KYAT1: variants seen among roughly 807,000 people sequenced by gnomAD.
KYAT1 encodes kynurenine aminotransferase 1.
Under a neutral mutation model 52.4 loss-of-function variants are expected in KYAT1, and 47 were observed. The ratio of observed to expected loss-of-function variants is 0.90; its 90% CI spans 0.71 to 1.14. KYAT1 has a LOEUF of 1.14. Ranked by LOEUF, KYAT1 falls within the 50% of genes most tolerant of loss-of-function variation. KYAT1 has a pLI of 0.00. For synonymous variants in KYAT1, 212 were observed against 209.6 expected, an observed-to-expected ratio of 1.01 and a Z score of -0.10; for missense variants, 480 against 557.9, an observed-to-expected ratio of 0.86 and a Z score of 1.41.
chr9:128,845,330 C>T, intron 2 of KYAT1, 23 bp downstream of exon 2: 1 of 1,611,654 alleles, frequency 6.2e-7, no homozygotes, highest in African/African-American at 1.3e-5. Flanking sequence ...CACCCACACA[C>T]CTCCCCAGCC....
intron 1 of KYAT1, among the ~76,000 whole-genome samples, chr9:128,865,332 T>C (rs1481976869): frequency 6.4e-3 from 15 of 2,340 alleles, no homozygotes; most frequent in African/African-American, 0.012. Context: ...TATATATATA[T>C]ATATATATAT....
chr9:128,833,939 T>C (rs1207397222), intron 11 of KYAT1, 113 bp from the exon 12 acceptor site: 2 of 761,370 alleles, frequency 2.6e-6, no homozygotes, highest in Non-Finnish European at 4.4e-6. Flanking sequence ...TTAGCTCCAA[T>C]CCAGCACCTA....
chr9:128,856,304 T>C (rs1277291531), intron 1 of KYAT1, among the ~76,000 whole-genome samples: 1 of 152,202 alleles, frequency 6.6e-6, no homozygotes. Flanking sequence ...CCACTGGAAG[T>C]TCCACTATTG....
chr9:128,840,233 T>C lies in KYAT1; in HGVS notation c.202-1866A>G, dbSNP rs141458408. Among the ~76,000 whole-genome samples, 6 of 152,032 alleles carry C rather than the reference T, an allele frequency of 3.9e-5. No homozygotes were observed. In the East Asian group the frequency reaches 1.2e-3, roughly 29 times the overall value. On this transcript the variant is annotated intron_variant, in intron 3 of 12. Transcript: ENST00000302586. ...GGGAGGATTGCTTGAGCCCAGGAGT[T>C]TGAGACCAGCCTGGGTAACATAAGG...
At chr9:128,868,703 AT>A (rs1202846765) in intron 1 of KYAT1, among the ~76,000 whole-genome samples, 2,475 of 131,970 alleles carry the variant, frequency 0.019, 43 homozygotes, top group African/African-American at 0.054. Flanking sequence ...TGCCTGGCTA[AT>A]TTTTTTTTTT....
At chr9:128,849,301 C>A (rs1252835621) in intron 1 of KYAT1, among the ~76,000 whole-genome samples, 1 of 150,436 alleles carries the variant, frequency 6.6e-6, no homozygotes, top group Non-Finnish European at 1.5e-5. Flanking sequence ...GTCCCAGCTA[C>A]CCAGGAGGCT....
rs79953067 is a variant in KYAT1, at chr9:128,836,720, C to T, written c.688+82G>A. Reference sequence around the variant, plus strand: ...GCTCCATAACCCTGGGTTCTAACTACCAGGCCTGCGCTGACTCTCAGGTGG... The same window carrying T: ...GCTCCATAACCCTGGGTTCTAACTATCAGGCCTGCGCTGACTCTCAGGTGG... On this transcript the variant is annotated intron_variant, in intron 7 of 12. Transcript: ENST00000302586. 4.8e-3 allele frequency: 7,203 copies of T among 1,511,880 alleles called. 163 individuals are homozygous for T. The East Asian group carries it at 0.058, about 12-fold the overall frequency. The allele number at this position is 1,511,880 out of a possible 1,614,324, so 93.7% of individuals were successfully genotyped here. A position where few individuals can be genotyped will look rare whatever the true frequency, so the allele number is the denominator to read the frequency against.
chr9:128,847,648 CAAT>C lies in KYAT1; in HGVS notation c.-6-2240_-6-2238del, dbSNP rs1475292654. ...TTGGGTCCCCCACACACAGCTCTAA[CAAT>C]AACAACAACAACAACAACAACAACA... On this transcript the variant is annotated intron_variant, in intron 1 of 12. Coordinates refer to ENST00000302586, the MANE Select transcript of KYAT1 (RefSeq NM_004059.5). 8.5e-5 allele frequency: 48 copies of C among 564,582 alleles called. No individual in the cohort carries two copies. The East Asian group carries it at 1.0e-3, about 12-fold the overall frequency. The allele number at this position is 564,582 out of a possible 1,614,324, so 35.0% of individuals were successfully genotyped here.
intron 1 of KYAT1, among the ~76,000 whole-genome samples, chr9:128,873,049 C>G (rs1298568881): frequency 6.7e-6 from 1 of 148,312 alleles, no homozygotes; most frequent in Non-Finnish European, 1.5e-5. Context: ...GCACTCCAGC[C>G]TGGGTGACAG....
At chr9:128,842,838 C>T (rs1487819942) in intron 2 of KYAT1, 37 bp from the exon 3 acceptor site, 8 of 1,596,138 alleles carry the variant, frequency 5.0e-6, no homozygotes, top group Non-Finnish European at 6.8e-6. Context: ...CAGCCCAGCC[C>T]TCCATGGTGA....
chr9:128,838,407 G>C lies in KYAT1; in HGVS notation c.202-40C>G, dbSNP rs1179384993. ...GGGGTTAACTGTCCAGCTCAGCCTG[G>C]GCCCATCCTCCGGCCCAGCTGTATC... On this transcript the variant is annotated intron_variant, in intron 3 of 12. Coordinates refer to ENST00000302586, the MANE Select transcript of KYAT1 (RefSeq NM_004059.5). The C allele has an allele frequency of 3.1e-6, 5 of 1,612,884 alleles. No homozygotes were observed. In the South Asian group the frequency reaches 3.3e-5, roughly 11 times the overall value.
Position 128,835,330 on chromosome 9 carries a change from T to G in KYAT1, c.1115A>C (p.Lys372Thr), listed in dbSNP as rs1830848213. The G allele has an allele frequency of 1.2e-6, 2 of 1,613,516 alleles. No individual in the cohort carries two copies. The highest frequency in any genetic ancestry group is 3.3e-5 in the Admixed American group (2 of 59,968). Residue 372 changes from lysine (K) to threonine (T), a missense_variant, in exon 11 of 13, where the codon AAG becomes ACG. Lys to Thr is a moderately conservative substitution (Grantham distance 78). Transcript: ENST00000302586. ...GGCAGAGGCCCAGCCCACCTTGTTC[T>G]TGATCATCCACTTGACGAAGCGTCT... ...YDRRFVKWMIKNKGLVAIPVS... is the reference protein window; with the variant it reads ...YDRRFVKWMITNKGLVAIPVS...
intron 1 of KYAT1, 96 bp from the exon 2 acceptor site, chr9:128,845,507 C>A (rs563286924): frequency 1.7e-6 from 2 of 1,165,286 alleles, no homozygotes; most frequent in African/African-American, 1.5e-5. Context: ...CAGGCCACAG[C>A]GCCATCCTGT....
At chr9:128,841,867 C>T (rs1374640343) in intron 3 of KYAT1, among the ~76,000 whole-genome samples, 1 of 151,910 alleles carries the variant, frequency 6.6e-6, no homozygotes. Context: ...CCCCTGTTGT[C>T]CCAGCAACTC....
At chr9:128,834,235 G>C (rs552640762) in intron 11 of KYAT1, among the ~76,000 whole-genome samples, 1 of 152,088 alleles carries the variant, frequency 6.6e-6, no homozygotes, top group Admixed American at 6.6e-5. Context: ...CAGCCTGGGC[G>C]AAAGAGAGAA....
chr9:128,862,085 C>T lies in KYAT1; in HGVS notation c.-6-16674G>A, dbSNP rs376693435. 6.6e-5 allele frequency among the ~76,000 whole-genome samples: 10 copies of T among 152,350 alleles called. No homozygotes were observed. The South Asian group carries it at 1.0e-3, about 16-fold the overall frequency. ...CTCTGACACTCTCCCCCACATCGGA[C>T]TCTGTGTCCATCAAATCAGTCTTTT... On this transcript the variant is annotated intron_variant, in intron 1 of 12. Transcript: ENST00000302586.
chr9:128,863,321 T>C (rs186990336), intron 1 of KYAT1, among the ~76,000 whole-genome samples: 2 of 152,126 alleles, frequency 1.3e-5, no homozygotes, highest in African/African-American at 4.8e-5. Context: ...CAATTTTCTA[T>C]GCATGAAATA....
At chr9:128,850,344 T>C (rs192357045) in intron 1 of KYAT1, among the ~76,000 whole-genome samples, 1 of 152,212 alleles carries the variant, frequency 6.6e-6, no homozygotes, top group Non-Finnish European at 1.5e-5. Flanking sequence ...TGCTGAGATG[T>C]TGTTAATTTG....
chr9:128,861,641 A>T (rs1835478644), intron 1 of KYAT1, among the ~76,000 whole-genome samples: 2 of 152,148 alleles, frequency 1.3e-5, no homozygotes, highest in South Asian at 4.1e-4. Context: ...GACCCCTGAA[A>T]CTAAGTACCT....
Sources: allele counts gnomAD v4.1 joint callset (sites outside exome capture counted in the v4.1 genomes callset), GRCh38; gene constraint gnomAD v4.1.1; transcripts MANE v1.5; gene names NCBI Gene and HGNC (gene_info 2026-07-23, HGNC 2026-07-21).